Variants in FLI1 observed in about 807,000 individuals in gnomAD.
The protein encoded by FLI1 is Fli-1 proto-oncogene, ETS transcription factor.
Under a neutral mutation model 53.1 loss-of-function variants are expected in FLI1, and 13 were observed. That is an observed-to-expected ratio of 0.24 (90% CI 0.16 to 0.39). The LOEUF (loss-of-function observed/expected upper bound fraction) is 0.39, where lower values mean the gene tolerates loss of function less well. Among genes scored for constraint, FLI1 ranks in the 10% least tolerant of loss-of-function variants. FLI1 has a pLI of 1.00. For missense variants in FLI1, 424 were observed against 600.5 expected, an observed-to-expected ratio of 0.71 and a Z score of 3.07; for synonymous variants, 244 against 236.7, an observed-to-expected ratio of 1.03 and a Z score of -0.28.
intron 2 of FLI1, chr11:128,764,967 A>T: frequency 1.3e-6 from 1 of 782,486 alleles, no homozygotes; most frequent in Non-Finnish European, 2.0e-6. Context: ...GGACAGGGCC[A>T]TTTTCCAGAG....
intron 2 of FLI1, among the ~76,000 whole-genome samples, chr11:128,765,552 C>T (rs898089824): frequency 2.2e-4 from 34 of 152,362 alleles, no homozygotes; most frequent in Middle Eastern, 3.4e-3. Context: ...TTCTCCTTTC[C>T]GAGAGACCCC....
At chr11:128,760,000 T>C (rs1941045817) in intron 2 of FLI1, among the ~76,000 whole-genome samples, 1 of 152,120 alleles carries the variant, frequency 6.6e-6, no homozygotes, top group Admixed American at 6.5e-5. Flanking sequence ...ATTTCAACCC[T>C]ACTAACCAAA....
At chr11:128,699,738 G>A (rs1228024384) in intron 1 of FLI1, among the ~76,000 whole-genome samples, 2 of 152,198 alleles carry the variant, frequency 1.3e-5, no homozygotes, top group East Asian at 3.8e-4. Context: ...TGTGCACTGA[G>A]ATGTTTCCCC....
intron 1 of FLI1, among the ~76,000 whole-genome samples, chr11:128,688,845 C>T (rs57484780): frequency 0.011 from 1,685 of 152,308 alleles, 33 homozygotes; most frequent in African/African-American, 0.039. Context: ...TCAGATCTTA[C>T]CTTCGCCAGC....
intron 7 of FLI1, among the ~76,000 whole-genome samples, chr11:128,808,377 T>A (rs926332130): frequency 1.3e-5 from 2 of 152,188 alleles, no homozygotes; most frequent in African/African-American, 2.4e-5. Flanking sequence ...TACCATGATT[T>A]CCTCAACTAA....
chr11:128,751,811 G>GTT (rs1256488777), intron 1 of FLI1, among the ~76,000 whole-genome samples: 1 of 135,178 alleles, frequency 7.4e-6, no homozygotes, highest in African/African-American at 3.0e-5. Context: ...TACAGGCGTG[G>GTT]GTTTTTTTTT....
chr11:128,806,960 C>A (rs988889330), intron 6 of FLI1: 13 of 391,982 alleles, frequency 3.3e-5, no homozygotes, highest in African/African-American at 6.2e-5. Flanking sequence ...CATTGGAATG[C>A]GAGTTCTACC....
intron 1 of FLI1, among the ~76,000 whole-genome samples, chr11:128,725,324 C>A (rs1000781641): frequency 6.6e-6 from 1 of 152,224 alleles, no homozygotes. Flanking sequence ...CTGCCTCCAA[C>A]CTGCACATGT....
chr11:128,780,623 C>T (rs1941885767), intron 4 of FLI1, among the ~76,000 whole-genome samples: 1 of 152,190 alleles, frequency 6.6e-6, no homozygotes, highest in East Asian at 1.9e-4. Flanking sequence ...AAATTCTCTT[C>T]CTCATCGTCT....
chr11:128,750,287 G>A (rs1405113128), intron 1 of FLI1, among the ~76,000 whole-genome samples: 1 of 152,158 alleles, frequency 6.6e-6, no homozygotes, highest in Non-Finnish European at 1.5e-5. Flanking sequence ...CCAGACAACT[G>A]TCCTTAGGAG....
At chr11:128,806,997 T>C (rs1942799122) in intron 6 of FLI1, 183 bp from the exon 7 acceptor site, 2 of 397,488 alleles carry the variant, frequency 5.0e-6, no homozygotes, top group Non-Finnish European at 8.9e-6. Context: ...TTCCTGAATC[T>C]CCAGCCTGGA....
At chr11:128,715,469 A>G (rs1938969395) in intron 1 of FLI1, among the ~76,000 whole-genome samples, 1 of 152,244 alleles carries the variant, frequency 6.6e-6, no homozygotes, top group Non-Finnish European at 1.5e-5. Flanking sequence ...TGAGGAGTCA[A>G]TGACATTTGC....
intron 4 of FLI1, 60 bp from the exon 5 acceptor site, chr11:128,781,898 T>G: frequency 1.5e-6 from 2 of 1,329,060 alleles, no homozygotes; most frequent in Non-Finnish European, 2.2e-6. Flanking sequence ...TCATGTCATC[T>G]CCTACTCTTG....
chr11:128,763,921 A>G (rs1009077532), intron 2 of FLI1, among the ~76,000 whole-genome samples: 5 of 152,266 alleles, frequency 3.3e-5, no homozygotes, highest in Non-Finnish European at 5.9e-5. Context: ...AGTCACATCT[A>G]TGTCCTACAG....
chr11:128,751,008 G>C (rs1230281870), intron 1 of FLI1, among the ~76,000 whole-genome samples: 3 of 152,156 alleles, frequency 2.0e-5, no homozygotes, highest in Admixed American at 6.5e-5. Context: ...GGGCTATTCA[G>C]GCTATGTAAC....
upstream of FLI1, among the ~76,000 whole-genome samples, chr11:128,685,585 C>G (rs1486426706): frequency 6.6e-6 from 1 of 150,702 alleles, no homozygotes; most frequent in Non-Finnish European, 1.5e-5. Context: ...CCGGTGGGGT[C>G]GCTGGGGTTG....
At chr11:128,771,143 C>T (rs116629904) in intron 3 of FLI1, among the ~76,000 whole-genome samples, 486 of 152,326 alleles carry the variant, frequency 3.2e-3, no homozygotes, top group African/African-American at 0.011. Context: ...TAAAAGATTT[C>T]CTTGGTAAGT....
chr11:128,702,806 G>A (rs1477231789), intron 1 of FLI1, among the ~76,000 whole-genome samples: 1 of 151,504 alleles, frequency 6.6e-6, no homozygotes, highest in African/African-American at 2.4e-5. Context: ...AGGTTGCAGT[G>A]AGCCAAGATC....
Position 128,810,499 on chromosome 11 carries a change from G to T in FLI1, c.870G>T (p.Leu290=), listed in dbSNP as rs766821081. The T allele has an allele frequency of 6.2e-7, 1 of 1,604,840 alleles. No individual in the cohort carries two copies. The highest frequency in any genetic ancestry group is 1.7e-5 in the Admixed American group (1 of 58,822). ...QIQLWQFLLE[L]LSDSANASCI... The stretch of plus-strand genomic sequence containing the variant: ...AGCTGTGGCAATTCCTCCTGGAGCT[G>T]CTCTCCGACAGCGCCAACGCCAGCT... The change falls in exon 9 of 9, where the codon CTG becomes CTT. Residue 290 remains leucine, a synonymous_variant. Transcript: ENST00000527786. The surrounding 1 kb of genome is among the most constrained non-coding windows in gnomAD (Gnocchi z 6.6).
Sources: allele counts gnomAD v4.1 joint callset (sites outside exome capture counted in the v4.1 genomes callset), GRCh38; gene constraint gnomAD v4.1.1; non-coding constraint Gnocchi (gnomAD v3.1); transcripts MANE v1.5; gene names NCBI Gene and HGNC (gene_info 2026-07-23, HGNC 2026-07-21).